GRM3: variants seen among roughly 807,000 people sequenced by gnomAD.
GRM3 encodes glutamate metabotropic receptor 3, also known as metabotropic glutamate receptor 3.
A neutral mutation model predicts 70.5 loss-of-function variants in GRM3; 26 were observed. The observed-to-expected ratio is 0.37, with a 90% CI of 0.27 to 0.51. The LOEUF (loss-of-function observed/expected upper bound fraction) is 0.51, where lower values mean the gene tolerates loss of function less well. GRM3 is among the 20% of genes least tolerant of loss of function. The probability of loss-of-function intolerance (pLI) is 0.93; values close to 1 mark genes in which losing one functional copy is unlikely to be tolerated. For missense variants in GRM3, 859 were observed against 1,123.8 expected, an observed-to-expected ratio of 0.76 and a Z score of 3.37; for synonymous variants, 443 against 434.9, an observed-to-expected ratio of 1.02 and a Z score of -0.23.
At chr7:86,844,224 T>G (rs1267491684) in intron 4 of GRM3, among the ~76,000 whole-genome samples, 1 of 152,170 alleles carries the variant, frequency 6.6e-6, no homozygotes, top group African/African-American at 2.4e-5. Context: ...TTAAAAAAAT[T>G]TGTGTCACCC....
intron 1 of GRM3, among the ~76,000 whole-genome samples, chr7:86,745,074 C>T (rs953404082): frequency 5.9e-5 from 9 of 152,066 alleles, no homozygotes; most frequent in Admixed American, 1.3e-4. Flanking sequence ...TGTTACCTTA[C>T]GGAAATTTCC....
At chr7:86,737,982 T>C (rs1795903293) in intron 1 of GRM3, among the ~76,000 whole-genome samples, 1 of 152,226 alleles carries the variant, frequency 6.6e-6, no homozygotes, top group Non-Finnish European at 1.5e-5. Flanking sequence ...CTTTGCCAGA[T>C]TTGACATGAA....
At chr7:86,658,981 G>A (rs963795426) in intron 1 of GRM3, among the ~76,000 whole-genome samples, 1 of 151,952 alleles carries the variant, frequency 6.6e-6, no homozygotes, top group African/African-American at 2.4e-5. Context: ...CATTTTATCT[G>A]TTCATCTTAA....
intron 1 of GRM3, among the ~76,000 whole-genome samples, chr7:86,681,849 T>G (rs1794448968): frequency 6.6e-6 from 1 of 152,206 alleles, no homozygotes; most frequent in African/African-American, 2.4e-5. Context: ...CTTAAAAGTA[T>G]AAACTTAGGT....
chr7:86,785,855 A>G (rs150785360), intron 2 of GRM3, among the ~76,000 whole-genome samples: 1 of 152,148 alleles, frequency 6.6e-6, no homozygotes, highest in African/African-American at 2.4e-5. Flanking sequence ...CTCTTTCTAT[A>G]CAAGTGCAGT....
At chr7:86,669,991 T>G (rs569064550) in intron 1 of GRM3, among the ~76,000 whole-genome samples, 95 of 152,264 alleles carry the variant, frequency 6.2e-4, no homozygotes, top group African/African-American at 2.1e-3. Flanking sequence ...TTCTCCTCAG[T>G]TCTCAGACAC....
intron 1 of GRM3, among the ~76,000 whole-genome samples, chr7:86,665,043 T>C (rs908634868): frequency 2.6e-5 from 4 of 152,086 alleles, no homozygotes; most frequent in African/African-American, 4.8e-5. Flanking sequence ...ATTCTAGCTA[T>C]CATTATTGAT....
intron 1 of GRM3, among the ~76,000 whole-genome samples, chr7:86,669,428 T>C (rs1177116669): frequency 6.6e-6 from 1 of 152,196 alleles, no homozygotes; most frequent in Admixed American, 6.5e-5. Flanking sequence ...TAATCATGTC[T>C]CTTTTTCTGT....
chr7:86,681,724 T>C (rs1200802292), intron 1 of GRM3, among the ~76,000 whole-genome samples: 1 of 152,166 alleles, frequency 6.6e-6, no homozygotes, highest in African/African-American at 2.4e-5. Flanking sequence ...GTTTGAACCC[T>C]ATCATCTCTT....
chr7:86,711,833 T>G (rs1424357981), intron 1 of GRM3, among the ~76,000 whole-genome samples: 1 of 152,128 alleles, frequency 6.6e-6, no homozygotes, highest in Non-Finnish European at 1.5e-5. Flanking sequence ...TTCATTTCAC[T>G]GTTTTATTTA....
chr7:86,835,518 CTGTT>C (rs1798440155), intron 3 of GRM3, among the ~76,000 whole-genome samples: 2 of 152,114 alleles, frequency 1.3e-5, no homozygotes, highest in Non-Finnish European at 2.9e-5. Flanking sequence ...TTTTAGCAAT[CTGTT>C]TGGGAAAAAG....
intron 3 of GRM3, among the ~76,000 whole-genome samples, chr7:86,804,010 A>G (rs1298390682): frequency 1.3e-5 from 2 of 152,192 alleles, no homozygotes; most frequent in East Asian, 1.9e-4. Flanking sequence ...AGATGAGAAT[A>G]TAGAGAATGA....
intron 1 of GRM3, among the ~76,000 whole-genome samples, chr7:86,654,239 C>T (rs77155012): frequency 0.099 from 15,048 of 152,118 alleles, 814 homozygotes; most frequent in South Asian, 0.17. Context: ...GGGTTTTGTG[C>T]TCCCTCTTTG....
chr7:86,724,827 A>G (rs1448740156), intron 1 of GRM3, among the ~76,000 whole-genome samples: 1 of 152,132 alleles, frequency 6.6e-6, no homozygotes, highest in Non-Finnish European at 1.5e-5. Context: ...TTTGCCAAAT[A>G]CTTTGGGTGT....
intron 1 of GRM3, among the ~76,000 whole-genome samples, chr7:86,759,137 G>T (rs1002117837): frequency 6.6e-6 from 1 of 152,010 alleles, no homozygotes; most frequent in Non-Finnish European, 1.5e-5. Flanking sequence ...ATTCTGCCCC[G>T]TCCTTCATAC....
intron 1 of GRM3, among the ~76,000 whole-genome samples, chr7:86,685,994 C>T (rs7794531): frequency 3.3e-5 from 5 of 151,534 alleles, no homozygotes; most frequent in Admixed American, 6.6e-5. Context: ...CCTTGAGCAC[C>T]GTATCTGGCA....
intron 1 of GRM3, among the ~76,000 whole-genome samples, chr7:86,685,104 C>T (rs13242038): frequency 0.19 from 29,136 of 152,074 alleles, 2,847 homozygotes; most frequent in Middle Eastern, 0.21. Context: ...ATCTCAATAT[C>T]CTCATATTTG....
At chr7:86,845,984 C>T (rs1031064161) in intron 4 of GRM3, among the ~76,000 whole-genome samples, 1 of 152,140 alleles carries the variant, frequency 6.6e-6, no homozygotes. Flanking sequence ...CTTTTTGATA[C>T]AAAATTAACA....
At chr7:86,662,306 G>A (rs1348106855) in intron 1 of GRM3, among the ~76,000 whole-genome samples, 1 of 151,740 alleles carries the variant, frequency 6.6e-6, no homozygotes, top group Non-Finnish European at 1.5e-5. Flanking sequence ...TGCAAGAAAA[G>A]CCATGTCCTG....
Sources: gnomAD v4.1 joint callset for allele counts (sites outside exome capture counted in the v4.1 genomes callset) on GRCh38, gnomAD v4.1.1 for gene constraint, MANE v1.5 for transcripts, NCBI Gene and HGNC (gene_info 2026-07-23, HGNC 2026-07-21) for gene names.